Variants in MYO18A observed in about 807,000 individuals in gnomAD.
MYO18A encodes myosin XVIIIA.
A neutral mutation model predicts 235.8 loss-of-function variants in MYO18A; 78 were observed. The observed-to-expected ratio is 0.33, with a 90% confidence interval of 0.28 to 0.40. The LOEUF (loss-of-function observed/expected upper bound fraction) is 0.40. MYO18A is among the 10% of genes least tolerant of loss of function. MYO18A has a pLI of 1.00. For missense variants in MYO18A, 2,215 were observed against 2,699.3 expected (o/e 0.82, Z 3.98); for synonymous variants, 977 against 1,077.8 (o/e 0.91, Z 1.83).
chr17:29,134,713 G>T (rs532729667), intron 2 of MYO18A, among the ~76,000 whole-genome samples: 1 of 151,846 alleles, frequency 6.6e-6, no homozygotes, highest in South Asian at 2.1e-4. Context: ...AGTAGAGACG[G>T]GGTTTCTCCA....
At position 29,090,109 on chromosome 17, in the gene MYO18A, G is replaced by T; in HGVS notation, c.5389-11C>A. ...CTGGAGGGCTTGTAGCTAGAGGTGG[G>T]GGACAGGAAGAGAAGAAAGAACTGA... On this transcript the variant is annotated splice_polypyrimidine_tract_variant and intron_variant, in intron 36 of 41. Transcript: ENST00000527372. 1 of 1,608,914 alleles carries T rather than the reference G, an allele frequency of 6.2e-7. No individual in the cohort carries two copies. The highest frequency in any genetic ancestry group is 2.2e-5 in the East Asian group (1 of 44,748).
chr17:29,117,751 G>C lies in MYO18A; in HGVS notation c.2038+294C>G, dbSNP rs907924919. ...CAAGAAGGAGAGTTATTCCAGCGGGGCTGCCCTGCCTTAGTGCCCTTCTCA... is the reference window on the plus strand; with the variant it reads ...CAAGAAGGAGAGTTATTCCAGCGGGCCTGCCCTGCCTTAGTGCCCTTCTCA... On this transcript the variant is annotated intron_variant, in intron 10 of 41. Transcript: ENST00000527372. This position sits in a 1 kb window ranked among gnomAD's most constrained non-coding sequence, Gnocchi z 4.6. 6.6e-6 allele frequency among the ~76,000 whole-genome samples: 1 copy of C among 152,180 alleles called. No individual in the cohort carries two copies. Among genetic ancestry groups the C allele is most frequent in the African/African-American group, 2.4e-5 (1 of 41,428 alleles).
intron 2 of MYO18A, among the ~76,000 whole-genome samples, chr17:29,164,064 A>G (rs139591749): frequency 0.027 from 4,123 of 152,042 alleles, 75 homozygotes; most frequent in Non-Finnish European, 0.035. Flanking sequence ...TAATTTTTGT[A>G]TTTTTAGTAG....
intron 41 of MYO18A, chr17:29,075,147 G>C (rs1433508292): frequency 2.0e-6 from 1 of 488,932 alleles, no homozygotes; most frequent in Admixed American, 3.2e-5. Flanking sequence ...AGTGAGTCTC[G>C]GACTCAAGCG....
Position 29,119,294 on chromosome 17 carries a change from G to A in MYO18A, c.1829+41C>T, listed in dbSNP as rs374399968. 4.1e-5 allele frequency: 61 copies of A among 1,488,672 alleles called. No individual in the cohort carries two copies. In the African/African-American group the frequency reaches 7.4e-4, roughly 18 times the overall value. The allele number at this position is 1,488,672 out of a possible 1,614,324, so 92.2% of individuals were successfully genotyped here. A position where few individuals can be genotyped will look rare whatever the true frequency, so the allele number is the denominator to read the frequency against. On this transcript the variant is annotated intron_variant, in intron 8 of 41. Coordinates refer to ENST00000527372, the MANE Select transcript of MYO18A (RefSeq NM_078471.4). ...GGTCCAGGAGCCCAGTCAGTGGGCT[G>A]GAGTTCAGAGAACCCTTGTGTACCC...
At chr17:29,086,307 A>G in intron 39 of MYO18A, 131 bp downstream of exon 39, 1 of 1,039,982 alleles carries the variant, frequency 9.6e-7, no homozygotes, top group Non-Finnish European at 1.4e-6. Flanking sequence ...TCTGGCAGTA[A>G]AGGGAGGGTG....
chr17:29,119,262 C>T (rs1195495826), intron 8 of MYO18A, 73 bp downstream of exon 8: 7 of 1,136,978 alleles, frequency 6.2e-6, no homozygotes, highest in Non-Finnish European at 9.0e-6. Context: ...ATTCTGGATG[C>T]AATCAAGGTC....
chr17:29,085,147 G>T (rs982562389), intron 40 of MYO18A, among the ~76,000 whole-genome samples: 2 of 152,382 alleles, frequency 1.3e-5, no homozygotes, highest in Non-Finnish European at 2.9e-5. Context: ...AGAGAAGGTA[G>T]TGGACCTTTA....
At position 29,140,434 on chromosome 17, in the gene MYO18A, C is replaced by A; in HGVS notation, c.1000-18181G>T. On this transcript the variant is annotated intron_variant, in intron 2 of 41. Coordinates refer to ENST00000527372, the MANE Select transcript of MYO18A (RefSeq NM_078471.4). This position sits in a 1 kb window ranked among gnomAD's most constrained non-coding sequence, Gnocchi z 4.2. ...CAGCTCAAAATAGCACAGGCTGTGG[C>A]CCCGCCCAGTTCCCGCCCTCTCCCC... is the stretch of plus-strand genomic sequence containing the variant. 2.4e-6 allele frequency: 3 copies of A among 1,258,608 alleles called. No individual in the cohort carries two copies. The highest frequency in any genetic ancestry group is 2.6e-5 in the South Asian group (2 of 76,764). The allele number at this position is 1,258,608 out of a possible 1,614,324, so 78.0% of individuals were successfully genotyped here. A position where few individuals can be genotyped will look rare whatever the true frequency, so the allele number is the denominator to read the frequency against.
rs900822594 is a variant in MYO18A at position 29,117,297 on chromosome 17, G to A, written c.2038+748C>T. The stretch of plus-strand genomic sequence containing the variant: ...CAAGTGCCAAAGCTGCAGCCCATTC[G>A]TTACCACGGTGCCTGCTGCCCCCTA... On this transcript the variant is annotated intron_variant, in intron 10 of 41. Coordinates refer to ENST00000527372, the MANE Select transcript of MYO18A (RefSeq NM_078471.4). The surrounding 1 kb of genome is among the most constrained non-coding windows in gnomAD (Gnocchi z 4.6). Among the ~76,000 whole-genome samples, 2 of 152,182 alleles carry A rather than the reference G, an allele frequency of 1.3e-5. No individual in the cohort carries two copies. The highest frequency in any genetic ancestry group is 2.9e-5 in the Non-Finnish European group (2 of 68,038).
rs377313144 is a variant in MYO18A, at chr17:29,097,792, A to G, written c.4098T>C (p.Asp1366=). The change falls in exon 26 of 42, where the codon GAT becomes GAC. Residue 1366 remains aspartate, a synonymous_variant. Transcript: ENST00000527372. The part of the protein sequence containing the change: ...AEINGEVDDD[D]AGGEWRLKYE... Reference sequence around the variant, plus strand: ...CTCCTTGGGCCTCAGGCCCACCTGCATCATCATCATCCACTTCCCCGTTGA... The same window carrying G: ...CTCCTTGGGCCTCAGGCCCACCTGCGTCATCATCATCCACTTCCCCGTTGA... 4.3e-6 allele frequency: 7 copies of G among 1,609,608 alleles called. No individual in the cohort carries two copies. Among genetic ancestry groups the G allele is most frequent in the Admixed American group, 1.7e-5 (1 of 59,574 alleles).
chr17:29,086,592 G>A lies in MYO18A; in HGVS notation c.5713-15C>T, dbSNP rs760338732. ...AGATCCATCTCCTAGGAGGAAGGGGGCAGCCCAGTTTGCAGGAGGGCTAGC... is the reference window on the plus strand; with the variant it reads ...AGATCCATCTCCTAGGAGGAAGGGGACAGCCCAGTTTGCAGGAGGGCTAGC... On this transcript the variant is annotated splice_polypyrimidine_tract_variant and intron_variant, in intron 38 of 41. Coordinates refer to ENST00000527372, the MANE Select transcript of MYO18A (RefSeq NM_078471.4). 1 of 1,611,588 alleles carries A rather than the reference G, an allele frequency of 6.2e-7. No individual in the cohort carries two copies.
intron 41 of MYO18A, 159 bp from the exon 42 acceptor site, chr17:29,075,073 A>C: frequency 5.1e-6 from 4 of 788,220 alleles, no homozygotes; most frequent in Non-Finnish European, 8.0e-6. Flanking sequence ...GAAGATACTC[A>C]AAATGCTAAG....
intron 1 of MYO18A, among the ~76,000 whole-genome samples, chr17:29,169,294 C>T (rs985109815): frequency 6.6e-6 from 1 of 152,104 alleles, no homozygotes; most frequent in African/African-American, 2.4e-5. Context: ...TCATGATCCA[C>T]CTGTCTCGGC....
At chr17:29,101,844 G>A (rs984739315) in intron 21 of MYO18A, among the ~76,000 whole-genome samples, 1 of 152,152 alleles carries the variant, frequency 6.6e-6, no homozygotes, top group African/African-American at 2.4e-5. Flanking sequence ...CATTTGGGGG[G>A]TTAAGGGTCC....
chr17:29,115,863 T>TG, intron 11 of MYO18A, 23 bp from the exon 12 acceptor site: 1 of 1,561,192 alleles, frequency 6.4e-7, no homozygotes, highest in East Asian at 2.4e-5. Flanking sequence ...AAAAGGGATC[T>TG]GGCATCCTGG....
At position 29,110,595 on chromosome 17, in the gene MYO18A, G is replaced by T; in HGVS notation, c.2928C>A (p.Gly976=). The T allele has an allele frequency of 3.7e-6, 6 of 1,605,894 alleles. No individual in the cohort carries two copies. The highest frequency in any genetic ancestry group is 5.1e-6 in the Non-Finnish European group (6 of 1,174,286). ...QKKIISNLFL[G]RAGSATVLSG... ...AGAGCACCGTGGCACTGCCTGCGCGGCCCAGAAACAGGTTGCTGATGATTT... is the reference window on the plus strand; with the variant it reads ...AGAGCACCGTGGCACTGCCTGCGCGTCCCAGAAACAGGTTGCTGATGATTT... The change falls in exon 18 of 42, where the codon GGC becomes GGA. Residue 976 remains glycine, a synonymous_variant. Coordinates refer to ENST00000527372, the MANE Select transcript of MYO18A (RefSeq NM_078471.4).
At chr17:29,093,896 G>A in intron 31 of MYO18A, 84 bp downstream of exon 31, 1 of 950,472 alleles carries the variant, frequency 1.1e-6, no homozygotes, top group Non-Finnish European at 1.6e-6. Context: ...TGTGGCTGAG[G>A]TAGGGAGGTG....
In MYO18A at chr17:29,109,773, C is replaced by A; in HGVS notation, c.3331+85G>T. 6.7e-7 allele frequency: 1 copy of A among 1,488,342 alleles called. No homozygotes were observed. Among genetic ancestry groups the A allele is most frequent in the Non-Finnish European group, 9.1e-7 (1 of 1,102,586 alleles). 92.2% of individuals were successfully genotyped at this position (1,488,342 alleles called of 1,614,324 possible). ...AAAGACAGGAGCAGCCCCACTGCAG[C>A]CCACGGGTCGCAGGTGGGAGGTGGG... On this transcript the variant is annotated intron_variant, in intron 19 of 41. Transcript: ENST00000527372. The surrounding 1 kb of genome is among the most constrained non-coding windows in gnomAD (Gnocchi z 4.1).
Sources: gnomAD v4.1 joint callset for allele counts (sites outside exome capture counted in the v4.1 genomes callset) on GRCh38, gnomAD v4.1.1 for gene constraint, Gnocchi (gnomAD v3.1) non-coding constraint, MANE v1.5 for transcripts, NCBI Gene and HGNC (gene_info 2026-07-23, HGNC 2026-07-21) for gene names.